The following OSBPL8 variants were observed in gnomAD, a reference collection of about 807,000 sequenced individuals.
OSBPL8 encodes the protein oxysterol binding protein like 8, also known as oxysterol-binding protein-related protein 8.
OSBPL8 carries 59 observed loss-of-function variants against 125.5 expected under a neutral mutation model. The observed-to-expected ratio is 0.47, with a 90% CI of 0.38 to 0.58. The LOEUF (loss-of-function observed/expected upper bound fraction) is 0.58. Ranked by LOEUF, OSBPL8 falls within the 20% of genes least tolerant of loss-of-function variation. OSBPL8 has a pLI of 0.00. For synonymous variants in OSBPL8, 330 were observed against 338.9 expected (o/e 0.97, Z 0.29); for missense variants, 758 against 1,047.8 (o/e 0.72, Z 3.82).
At chr12:76,515,315 G>C (rs1592831171) in intron 1 of OSBPL8, among the ~76,000 whole-genome samples, 1 of 152,160 alleles carries the variant, frequency 6.6e-6, no homozygotes, top group Admixed American at 6.5e-5. Flanking sequence ...AGATTAAGTA[G>C]TCAATAGACT....
At chr12:76,509,290 C>CT (rs1186628136) in intron 1 of OSBPL8, among the ~76,000 whole-genome samples, 11 of 152,132 alleles carry the variant, frequency 7.2e-5, no homozygotes, top group Non-Finnish European at 1.5e-4. Flanking sequence ...TAAGTACACT[C>CT]TCTGATACTC....
chr12:76,453,156 G>A (rs1218631212), intron 3 of OSBPL8, among the ~76,000 whole-genome samples: 1 of 152,080 alleles, frequency 6.6e-6, no homozygotes, highest in East Asian at 1.9e-4. Flanking sequence ...AGAGAAGGAA[G>A]TTTTGTCTGC....
chr12:76,531,097 C>T (rs1950327950), intron 1 of OSBPL8, among the ~76,000 whole-genome samples: 4 of 152,060 alleles, frequency 2.6e-5, no homozygotes, highest in Non-Finnish European at 5.9e-5. Flanking sequence ...CTGAGAAGGC[C>T]TCAGGAAACT....
At chr12:76,467,080 T>A (rs1875537170) in intron 2 of OSBPL8, among the ~76,000 whole-genome samples, 1 of 152,222 alleles carries the variant, frequency 6.6e-6, no homozygotes, top group African/African-American at 2.4e-5. Flanking sequence ...ATATCCTTCC[T>A]TTATGTATTT....
chr12:76,506,367 C>CA (rs1343134116), intron 1 of OSBPL8, among the ~76,000 whole-genome samples: 1 of 151,860 alleles, frequency 6.6e-6, no homozygotes, highest in African/African-American at 2.4e-5. Context: ...GAGGTCAGGC[C>CA]AAAAAATGTA....
intron 2 of OSBPL8, among the ~76,000 whole-genome samples, chr12:76,466,897 G>A (rs1333397411): frequency 2.6e-5 from 4 of 151,804 alleles, no homozygotes; most frequent in Non-Finnish European, 5.9e-5. Flanking sequence ...GGGCGGGGGC[G>A]GAGGCTGCAG....
intron 4 of OSBPL8, among the ~76,000 whole-genome samples, chr12:76,419,166 G>A (rs965024968): frequency 3.3e-5 from 5 of 150,998 alleles, no homozygotes; most frequent in African/African-American, 9.7e-5. Flanking sequence ...AACCTAGGAG[G>A]CAGAGGCTGC....
intron 4 of OSBPL8, among the ~76,000 whole-genome samples, chr12:76,441,534 T>C (rs529826233): frequency 6.6e-6 from 1 of 152,212 alleles, no homozygotes; most frequent in African/African-American, 2.4e-5. Flanking sequence ...GATAAAACTT[T>C]TACCACTCTT....
At chr12:76,524,169 T>C (rs1234739579) in intron 1 of OSBPL8, among the ~76,000 whole-genome samples, 1 of 152,054 alleles carries the variant, frequency 6.6e-6, no homozygotes, top group African/African-American at 2.4e-5. Context: ...ATAAATAAAA[T>C]TGGAGCTAAA....
intron 1 of OSBPL8, among the ~76,000 whole-genome samples, chr12:76,534,957 A>G (rs953732505): frequency 2.0e-5 from 3 of 152,164 alleles, no homozygotes; most frequent in Non-Finnish European, 2.9e-5. Flanking sequence ...AGAACAACCA[A>G]AACAGCCTGG....
chr12:76,406,386 C>A (rs370306743), intron 5 of OSBPL8, among the ~76,000 whole-genome samples: 9 of 152,218 alleles, frequency 5.9e-5, no homozygotes, highest in Non-Finnish European at 1.2e-4. Context: ...AATAGTTAAA[C>A]GGTTGAAAAA....
chr12:76,435,712 A>G (rs1871363787), intron 4 of OSBPL8, among the ~76,000 whole-genome samples: 1 of 152,154 alleles, frequency 6.6e-6, no homozygotes. Flanking sequence ...AGGCAACAAT[A>G]CGATTTGTGG....
chr12:76,428,525 G>A lies in OSBPL8; in HGVS notation c.218-17891C>T, dbSNP rs187958967. Among the ~76,000 whole-genome samples, 156 of 152,128 alleles carry A rather than the reference G, an allele frequency of 1.0e-3. 2 individuals are homozygous for A. In the Middle Eastern group the frequency reaches 0.017, roughly 17 times the overall value. ...ATAAAAAAACATTGAATTACATTAG[G>A]ATGAAAGCACTGTAAGAGTTACACA... On this transcript the variant is annotated intron_variant, in intron 4 of 23. Coordinates refer to ENST00000261183, the MANE Select transcript of OSBPL8 (RefSeq NM_020841.5).
chr12:76,449,285 G>T (rs991416060), intron 4 of OSBPL8, among the ~76,000 whole-genome samples: 4 of 152,158 alleles, frequency 2.6e-5, no homozygotes, highest in African/African-American at 9.7e-5. Flanking sequence ...TACCACAGGA[G>T]ATTTCCGTAC....
chr12:76,508,112 A>T (rs1175418619), intron 1 of OSBPL8, among the ~76,000 whole-genome samples: 1 of 151,922 alleles, frequency 6.6e-6, no homozygotes, highest in Non-Finnish European at 1.5e-5. Flanking sequence ...CGGAGGTTGC[A>T]GTGAGCCGAG....
chr12:76,390,879 T>C (rs1307451246), intron 10 of OSBPL8, among the ~76,000 whole-genome samples: 1 of 152,096 alleles, frequency 6.6e-6, no homozygotes, highest in African/African-American at 2.4e-5. Flanking sequence ...CATAGAAAAA[T>C]TAAAAACCTA....
intron 6 of OSBPL8, among the ~76,000 whole-genome samples, chr12:76,402,461 T>G (rs185787302): frequency 1.5e-4 from 23 of 152,308 alleles, no homozygotes; most frequent in Middle Eastern, 3.4e-3. Flanking sequence ...CAGTTGCCAT[T>G]TGAGGCCTAA....
At position 76,373,436 on chromosome 12, in the gene OSBPL8, T is replaced by TA; in HGVS notation, c.1828-4_1828-3insT. ...CAGTCACTACTCCCTAGGAATGGCT[T>TA]TTAAACGAGAAAATGTTAAACATTT... On this transcript the variant is annotated splice_polypyrimidine_tract_variant and splice_region_variant and intron_variant, in intron 17 of 23. Coordinates refer to ENST00000261183, the MANE Select transcript of OSBPL8 (RefSeq NM_020841.5). The TA allele has an allele frequency of 6.3e-7, 1 of 1,576,342 alleles. No homozygotes were observed. The highest frequency in any genetic ancestry group is 1.8e-5 in the Admixed American group (1 of 56,416).
At chr12:76,526,230 T>C (rs1295488825) in intron 1 of OSBPL8, among the ~76,000 whole-genome samples, 1 of 152,226 alleles carries the variant, frequency 6.6e-6, no homozygotes, top group African/African-American at 2.4e-5. Flanking sequence ...AGAAAACAGA[T>C]GTATACATTT....
Sources: gnomAD v4.1 joint callset for allele counts (sites outside exome capture counted in the v4.1 genomes callset) on GRCh38, gnomAD v4.1.1 for gene constraint, MANE v1.5 for transcripts, NCBI Gene and HGNC (gene_info 2026-07-23, HGNC 2026-07-21) for gene names.